The following ACOT13 variants were observed in gnomAD, a reference collection of about 807,000 sequenced individuals.
ACOT13 encodes the protein acyl-CoA thioesterase 13, also known as acyl-coenzyme A thioesterase 13.
Under a neutral mutation model 11.8 loss-of-function variants are expected in ACOT13, and 10 were observed. That is an observed-to-expected ratio of 0.85 (90% CI 0.53 to 1.44). ACOT13 has a LOEUF of 1.44. ACOT13 is among the 40% of genes most tolerant of loss of function. The pLI is 0.00. For missense variants in ACOT13, 172 were observed against 174.1 expected (o/e 0.99, Z 0.07); for synonymous variants, 53 against 61.0 (o/e 0.87, Z 0.61).
At chr6:24,690,772 C>G (rs763995912) in intron 1 of ACOT13, among the ~76,000 whole-genome samples, 6 of 152,096 alleles carry the variant, frequency 3.9e-5, no homozygotes, top group Non-Finnish European at 8.8e-5. Flanking sequence ...CTCTTATAAC[C>G]CTTGCTGTTT....
rs1486291882 is a variant in ACOT13, at chr6:24,668,390, T to G, written c.81+1046T>G. ...GCATGCGCCACCAAGCCTGGCTAATTCTTTATTTTTATTAGAGACAGGGTT... is the reference window on the plus strand; with the variant it reads ...GCATGCGCCACCAAGCCTGGCTAATGCTTTATTTTTATTAGAGACAGGGTT... On this transcript the variant is annotated intron_variant, in intron 1 of 2. Coordinates refer to ENST00000230048, the MANE Select transcript of ACOT13 (RefSeq NM_018473.4). Among the ~76,000 whole-genome samples, 4 of 151,650 alleles carry G rather than the reference T, an allele frequency of 2.6e-5. No individual in the cohort carries two copies. The East Asian group carries it at 7.8e-4, about 30-fold the overall frequency.
intron 1 of ACOT13, among the ~76,000 whole-genome samples, chr6:24,691,295 A>T (rs1778714056): frequency 6.6e-6 from 1 of 152,288 alleles, no homozygotes; most frequent in East Asian, 1.9e-4. Flanking sequence ...CCAGAGACAT[A>T]CATTCCTTTA....
At chr6:24,695,024 T>A (rs4712840) in intron 1 of ACOT13, among the ~76,000 whole-genome samples, 121,906 of 152,128 alleles carry the variant, frequency 0.8, 49,650 homozygotes, top group African/African-American at 0.95. Context: ...AAAATACACT[T>A]AAACTGAGGC....
At chr6:24,677,786 C>T (rs1778480162) in intron 1 of ACOT13, among the ~76,000 whole-genome samples, 1 of 152,190 alleles carries the variant, frequency 6.6e-6, no homozygotes, top group Non-Finnish European at 1.5e-5. Flanking sequence ...CCATATTCGG[C>T]AGAAGCTTGT....
chr6:24,670,744 A>G (rs1394307153), intron 1 of ACOT13, among the ~76,000 whole-genome samples: 3 of 152,224 alleles, frequency 2.0e-5, no homozygotes, highest in African/African-American at 4.8e-5. Context: ...AAAGCTGTCA[A>G]TAGCTCAAAA....
At chr6:24,667,676 C>T (rs527469704) in intron 1 of ACOT13, among the ~76,000 whole-genome samples, 21 of 152,152 alleles carry the variant, frequency 1.4e-4, no homozygotes, top group African/African-American at 4.6e-4. Flanking sequence ...GCATTTAAGG[C>T]ACATTACAGT....
intron 1 of ACOT13, among the ~76,000 whole-genome samples, chr6:24,675,924 G>A (rs542595431): frequency 3.9e-4 from 59 of 152,316 alleles, no homozygotes; most frequent in Admixed American, 3.8e-3. Context: ...AAGGGATCCA[G>A]TTTCAGCTTT....
intron 1 of ACOT13, among the ~76,000 whole-genome samples, chr6:24,677,366 T>C (rs1371659087): frequency 6.6e-6 from 1 of 152,246 alleles, no homozygotes; most frequent in African/African-American, 2.4e-5. Context: ...ACAAGTCTCC[T>C]TTAGCAGTGA....
At chr6:24,687,822 C>G in intron 1 of ACOT13, 1 of 938,898 alleles carries the variant, frequency 1.1e-6, no homozygotes, top group South Asian at 2.1e-5. Flanking sequence ...AGTATTTCTC[C>G]TGCTTCAGCC....
intron 2 of ACOT13, among the ~76,000 whole-genome samples, chr6:24,699,804 T>A (rs773297986): frequency 4.6e-5 from 7 of 152,220 alleles, no homozygotes; most frequent in Non-Finnish European, 7.3e-5. Flanking sequence ...CTGCATTTCA[T>A]GATCTACTAA....
intron 1 of ACOT13, among the ~76,000 whole-genome samples, chr6:24,680,545 T>C (rs182117203): frequency 6.6e-6 from 1 of 152,260 alleles, no homozygotes; most frequent in Non-Finnish European, 1.5e-5. Context: ...CCCATGGACC[T>C]CTGCTTATCG....
At chr6:24,698,182 C>G (rs1778830064) in intron 2 of ACOT13, 115 bp downstream of exon 2, 2 of 907,940 alleles carry the variant, frequency 2.2e-6, no homozygotes, top group South Asian at 5.2e-5. Context: ...TGCTTATCTC[C>G]TTAACTGCAC....
intron 1 of ACOT13, among the ~76,000 whole-genome samples, chr6:24,673,864 A>G (rs1778401484): frequency 6.6e-6 from 1 of 152,110 alleles, no homozygotes; most frequent in Non-Finnish European, 1.5e-5. Flanking sequence ...CAGACCATTC[A>G]TGACATGCTT....
chr6:24,667,793 G>A (rs1379364292), intron 1 of ACOT13, among the ~76,000 whole-genome samples: 3 of 152,342 alleles, frequency 2.0e-5, no homozygotes, highest in East Asian at 1.9e-4. Context: ...TTCCTCTGTA[G>A]TGGTTTGGGA....
At chr6:24,687,340 A>T (rs777024175) in intron 1 of ACOT13, 34 of 799,460 alleles carry the variant, frequency 4.3e-5, no homozygotes, top group Admixed American at 5.3e-5. Flanking sequence ...GTAGTTCTGC[A>T]GTAAATAAAT....
intron 1 of ACOT13, among the ~76,000 whole-genome samples, chr6:24,697,355 T>C (rs111374594): frequency 2.0e-5 from 3 of 151,802 alleles, no homozygotes; most frequent in Middle Eastern, 6.8e-3. Context: ...AACAACAAAT[T>C]AAACCTATAA....
intron 2 of ACOT13, among the ~76,000 whole-genome samples, chr6:24,700,425 CTTTTTTT>C (rs34173572): frequency 9.5e-5 from 10 of 105,148 alleles, no homozygotes; most frequent in Non-Finnish European, 1.4e-4. Context: ...TAAGATCCAC[CTTTTTTT>C]TTTTTTTTTT....
At chr6:24,671,526 G>A (rs1328921263) in intron 1 of ACOT13, among the ~76,000 whole-genome samples, 1 of 152,096 alleles carries the variant, frequency 6.6e-6, no homozygotes, top group Non-Finnish European at 1.5e-5. Flanking sequence ...ACGAATTAAT[G>A]GGTGCAGCAA....
At chr6:24,694,739 AT>A (rs769352695) in intron 1 of ACOT13, among the ~76,000 whole-genome samples, 9 of 152,288 alleles carry the variant, frequency 5.9e-5, no homozygotes, top group Admixed American at 2.6e-4. Context: ...TAATTCTCTT[AT>A]TTGACCTGAG....
Sources: gnomAD v4.1 joint callset for allele counts (sites outside exome capture counted in the v4.1 genomes callset) on GRCh38, gnomAD v4.1.1 for gene constraint, MANE v1.5 for transcripts, NCBI Gene and HGNC (gene_info 2026-07-23, HGNC 2026-07-21) for gene names.